Variants in SLC35A3 observed in about 807,000 individuals in gnomAD.
The protein encoded by SLC35A3 is UDP-N-acetylglucosamine transporter.
A neutral mutation model predicts 39.0 loss-of-function variants in SLC35A3; 26 were observed. That is an observed-to-expected ratio of 0.67 (90% confidence interval 0.49 to 0.92). The LOEUF (loss-of-function observed/expected upper bound fraction) is 0.92. Ranked by LOEUF, SLC35A3 falls within the 40% of genes least tolerant of loss-of-function variation. The probability of loss-of-function intolerance (pLI) is 0.00; values close to 1 mark genes in which losing one functional copy is unlikely to be tolerated. For missense variants in SLC35A3, 299 were observed against 371.6 expected (o/e 0.80, Z 1.61); for synonymous variants, 135 against 133.1 (o/e 1.01, Z -0.10).
At chr1:100,021,190 C>T (rs564525713) in intron 7 of SLC35A3, among the ~76,000 whole-genome samples, 262 of 151,964 alleles carry the variant, frequency 1.7e-3, no homozygotes, top group African/African-American at 6.0e-3. Context: ...TGGTGAAACC[C>T]CATCTCTACT....
intron 3 of SLC35A3, among the ~76,000 whole-genome samples, chr1:100,006,591 A>G (rs562956479): frequency 2.0e-5 from 3 of 152,272 alleles, no homozygotes; most frequent in Admixed American, 2.0e-4. Flanking sequence ...ATGCGTGGGC[A>G]GTAGACAGAG....
rs1661428999 is a variant in SLC35A3 at position 100,035,091 on chromosome 1, GA to G, written c.*12617del. On this transcript the variant is annotated 3_prime_UTR_variant, in exon 8 of 8. Transcript: ENST00000533028. ...TCCCTCCATATGAGGAGGGGAGTGGGAATTGGTTGTGGGACTTCCGTGGATA... is the reference window on the plus strand; with the variant it reads ...TCCCTCCATATGAGGAGGGGAGTGGGATTGGTTGTGGGACTTCCGTGGATA... The G allele has an allele frequency of 6.6e-6, 1 of 152,102 alleles. No homozygotes were observed. The highest frequency in any genetic ancestry group is 1.5e-5 in the Non-Finnish European group (1 of 68,016). 9.4% of individuals were successfully genotyped at this position (152,102 alleles called of 1,614,324 possible).
chr1:99,996,445 A>G (rs1165563008), intron 2 of SLC35A3, among the ~76,000 whole-genome samples: 1 of 152,224 alleles, frequency 6.6e-6, no homozygotes, highest in Non-Finnish European at 1.5e-5. Flanking sequence ...AGATAAATAC[A>G]TAAAAAGATG....
chr1:99,970,324 G>T (rs909126672), intron 1 of SLC35A3, 162 bp downstream of exon 1: 24 of 556,524 alleles, frequency 4.3e-5, no homozygotes, highest in Non-Finnish European at 7.4e-5. Context: ...GAAATACAGT[G>T]CTAGCTAAGT....
intron 1 of SLC35A3, chr1:99,975,080 C>A (rs568071033): frequency 6.6e-6 from 1 of 152,084 alleles, no homozygotes; most frequent in South Asian, 2.1e-4. Flanking sequence ...GTAGGTGGAA[C>A]TACTGGCATG....
intron 5 of SLC35A3, among the ~76,000 whole-genome samples, chr1:100,013,831 T>G (rs961592746): frequency 6.6e-6 from 1 of 152,186 alleles, no homozygotes; most frequent in African/African-American, 2.4e-5. Flanking sequence ...AATGGAATTT[T>G]AGAGCATTTC....
chr1:100,013,164 TAATTACAAA>T (rs1279018653), intron 5 of SLC35A3, among the ~76,000 whole-genome samples: 1 of 152,200 alleles, frequency 6.6e-6, no homozygotes, highest in Non-Finnish European at 1.5e-5. Context: ...ACTTTTTTAG[TAATTACAAA>T]GTCTTTTATA....
At chr1:99,974,259 G>A (rs888351719) in intron 1 of SLC35A3, among the ~76,000 whole-genome samples, 7 of 151,954 alleles carry the variant, frequency 4.6e-5, no homozygotes, top group African/African-American at 1.7e-4. Context: ...AATGAATAAG[G>A]CATTGTAGTA....
Position 100,000,378 on chromosome 1 carries a change from C to T in SLC35A3, c.342+963C>T, listed in dbSNP as rs930438815. Among the ~76,000 whole-genome samples, 3 of 152,090 alleles carry T rather than the reference C, an allele frequency of 2.0e-5. No homozygotes were observed. In the South Asian group the frequency reaches 6.2e-4, roughly 32 times the overall value. ...TACCTGTTGGCTATTTGTATGTCTT[C>T]TTTTGAGAAATGTTTATTGAGGTCC... On this transcript the variant is annotated intron_variant, in intron 3 of 7. Coordinates refer to ENST00000533028, the MANE Select transcript of SLC35A3 (RefSeq NM_012243.3).
At position 99,970,127 on chromosome 1, in the gene SLC35A3, C is replaced by G. The variant is rs1241402671; in HGVS notation, c.-54C>G. On this transcript the variant is annotated 5_prime_UTR_variant, in exon 1 of 8. Transcript: ENST00000533028. The stretch of plus-strand genomic sequence containing the variant: ...GCCCGGCGGAGCTGAACCGCGGCCC[C>G]CGGTGGTGGGCTCAGCCGGTCGAGC... 1 of 156,790 alleles carries G rather than the reference C, an allele frequency of 6.4e-6. No homozygotes were observed. Among genetic ancestry groups the G allele is most frequent in the African/African-American group, 2.4e-5 (1 of 41,552 alleles). 9.7% of individuals were successfully genotyped at this position (156,790 alleles called of 1,614,324 possible).
intron 3 of SLC35A3, 106 bp from the exon 4 acceptor site, chr1:100,006,928 C>A: frequency 1.5e-6 from 2 of 1,302,058 alleles, no homozygotes; most frequent in Non-Finnish European, 2.0e-6. Flanking sequence ...CAGATGCAAC[C>A]ACCAGGCATG....
At position 100,026,001 on chromosome 1, in the gene SLC35A3, A is replaced by G. The variant is rs1557853048; in HGVS notation, c.*3525A>G. On this transcript the variant is annotated 3_prime_UTR_variant, in exon 8 of 8. Transcript: ENST00000533028. ...GTAGGCTACTTTTACGGTGGAATATATAGTATAGAGATGCAAAACTTAAAT... is the reference window on the plus strand; with the variant it reads ...GTAGGCTACTTTTACGGTGGAATATGTAGTATAGAGATGCAAAACTTAAAT... 1 of 152,186 alleles carries G rather than the reference A, an allele frequency of 6.6e-6. No individual in the cohort carries two copies. The highest frequency in any genetic ancestry group is 1.5e-5 in the Non-Finnish European group (1 of 67,994). 9.4% of individuals were successfully genotyped at this position (152,186 alleles called of 1,614,324 possible). A position where few individuals can be genotyped will look rare whatever the true frequency, so the allele number is the denominator to read the frequency against.
At chr1:100,004,580 C>A (rs1266595303) in intron 3 of SLC35A3, among the ~76,000 whole-genome samples, 1 of 151,854 alleles carries the variant, frequency 6.6e-6, no homozygotes, top group Non-Finnish European at 1.5e-5. Context: ...ATTACAGGCA[C>A]CTGGCCTAAG....
chr1:100,004,025 T>C (rs1051085932), intron 3 of SLC35A3, among the ~76,000 whole-genome samples: 1 of 152,346 alleles, frequency 6.6e-6, no homozygotes, highest in African/African-American at 2.4e-5. Context: ...CTGCATTTCT[T>C]GTAGGTAGTG....
At chr1:100,003,992 G>A (rs929590919) in intron 3 of SLC35A3, among the ~76,000 whole-genome samples, 10 of 151,958 alleles carry the variant, frequency 6.6e-5, no homozygotes, top group South Asian at 2.1e-4. Flanking sequence ...CTTTACTTTC[G>A]TCTGTTTGTC....
Position 100,001,058 on chromosome 1 carries a change from T to C in SLC35A3, c.342+1643T>C, listed in dbSNP as rs534856118. 3.9e-5 allele frequency among the ~76,000 whole-genome samples: 6 copies of C among 152,312 alleles called. No homozygotes were observed. The South Asian group carries it at 1.2e-3, about 32-fold the overall frequency. Reference sequence around the variant, plus strand: ...TTTTGGGGTTCTCTATTTTGTTCCATTGGTCTTTGTGCCTGTTATTAAACA... The same window carrying C: ...TTTTGGGGTTCTCTATTTTGTTCCACTGGTCTTTGTGCCTGTTATTAAACA... On this transcript the variant is annotated intron_variant, in intron 3 of 7. Coordinates refer to ENST00000533028, the MANE Select transcript of SLC35A3 (RefSeq NM_012243.3).
In SLC35A3 at chr1:100,026,912, G is replaced by A. The variant is rs559428; in HGVS notation, c.*4436G>A. 0.052 allele frequency: 16,876 copies of A among 327,686 alleles called. 545 individuals carry two copies. Among genetic ancestry groups the A allele is most frequent in the African/African-American group, 0.1 (4,923 of 46,982 alleles). The allele number at this position is 327,686 out of a possible 1,614,324, so 20.3% of individuals were successfully genotyped here. ...GATAAACTTCTCTTGTCATTTTTTGGTATCCAGCTATTACCTATTTAATAG... is the reference window on the plus strand; with the variant it reads ...GATAAACTTCTCTTGTCATTTTTTGATATCCAGCTATTACCTATTTAATAG... On this transcript the variant is annotated 3_prime_UTR_variant, in exon 8 of 8. Transcript: ENST00000533028.
intron 2 of SLC35A3, 82 bp downstream of exon 2, chr1:99,993,823 CTTGCA>C: frequency 8.1e-7 from 1 of 1,235,374 alleles, no homozygotes; most frequent in Non-Finnish European, 1.2e-6. Context: ...CATTTGCACT[CTTGCA>C]TTGTCGAATG....
intron 1 of SLC35A3, among the ~76,000 whole-genome samples, chr1:99,979,426 CTTTCTTT>C (rs1463290171): frequency 4.1e-5 from 6 of 144,690 alleles, no homozygotes; most frequent in African/African-American, 1.6e-4. Context: ...TTCTCCTTTT[CTTTCTTT>C]TTTTTTTTTT....
Sources: allele counts gnomAD v4.1 joint callset (sites outside exome capture counted in the v4.1 genomes callset), GRCh38; gene constraint gnomAD v4.1.1; transcripts MANE v1.5; gene names NCBI Gene and HGNC (gene_info 2026-07-23, HGNC 2026-07-21).